ANKS1B: variants seen among roughly 807,000 people sequenced by gnomAD.
The protein encoded by ANKS1B is ankyrin repeat and sterile alpha motif domain containing 1B.
ANKS1B carries 36 observed loss-of-function variants against 148.3 expected under a neutral mutation model. The observed-to-expected ratio is 0.24, with a 90% CI of 0.19 to 0.32. The LOEUF is 0.32. ANKS1B is among the 10% of genes least tolerant of loss of function. The pLI is 1.00. For synonymous variants in ANKS1B, 542 were observed against 560.8 expected, an observed-to-expected ratio of 0.97 and a Z score of 0.47; for missense variants, 1,157 against 1,542.6, an observed-to-expected ratio of 0.75 and a Z score of 4.19.
chr12:99,655,429 T>C (rs2098445453), intron 8 of ANKS1B, among the ~76,000 whole-genome samples: 1 of 152,116 alleles, frequency 6.6e-6, no homozygotes, highest in Non-Finnish European at 1.5e-5. Context: ...ACTTATAAAA[T>C]AATATATGAA....
At chr12:99,131,920 G>A (rs753628545) in intron 15 of ANKS1B, among the ~76,000 whole-genome samples, 9 of 152,060 alleles carry the variant, frequency 5.9e-5, no homozygotes, top group South Asian at 2.1e-4. Flanking sequence ...CTGATCCCTC[G>A]GAGGGAGTTG....
At chr12:99,566,615 G>T (rs948548130) in intron 9 of ANKS1B, among the ~76,000 whole-genome samples, 11 of 152,020 alleles carry the variant, frequency 7.2e-5, no homozygotes, top group African/African-American at 2.7e-4. Flanking sequence ...ATGTCATCAG[G>T]GTACAGTCCC....
intron 9 of ANKS1B, among the ~76,000 whole-genome samples, chr12:99,630,278 T>C (rs2098144468): frequency 6.6e-6 from 1 of 152,188 alleles, no homozygotes; most frequent in Non-Finnish European, 1.5e-5. Context: ...CATTAATTCA[T>C]TCTCTAATAA....
chr12:98,861,818 G>C (rs1320822306), intron 17 of ANKS1B, among the ~76,000 whole-genome samples: 1 of 152,106 alleles, frequency 6.6e-6, no homozygotes, highest in Admixed American at 6.5e-5. Context: ...AGAAAAACTG[G>C]GGCTGAATCC....
chr12:99,762,422 AAAC>A (rs2062223693), intron 8 of ANKS1B, among the ~76,000 whole-genome samples: 1 of 151,974 alleles, frequency 6.6e-6, no homozygotes, highest in South Asian at 2.1e-4. Context: ...CCACAAAAAT[AAAC>A]AATGGGGAAA....
intron 15 of ANKS1B, among the ~76,000 whole-genome samples, chr12:99,109,620 T>C (rs2059895423): frequency 1.3e-5 from 2 of 152,178 alleles, no homozygotes; most frequent in Admixed American, 6.5e-5. Flanking sequence ...TAAGTGATAA[T>C]AATGTTATTT....
At chr12:98,789,902 T>C (rs901805272) in intron 22 of ANKS1B, among the ~76,000 whole-genome samples, 3 of 152,186 alleles carry the variant, frequency 2.0e-5, no homozygotes, top group African/African-American at 2.4e-5. Context: ...TTTCCACTTC[T>C]TACTAGAAAA....
rs750539400 is a variant in ANKS1B at position 99,859,261 on chromosome 12, T to C, written c.135-33872A>G. Among the ~76,000 whole-genome samples the C allele has an allele frequency of 9.2e-5, 14 of 152,372 alleles. 1 individual carries two copies. In the Middle Eastern group the frequency reaches 0.01, roughly 111 times the overall value. ...TTGCAGAGTTATATGTGAGTATTCA[T>C]GGCATTGCATGCTGCTAACAGTGAA... On this transcript the variant is annotated intron_variant, in intron 1 of 26. Transcript: ENST00000683438.
At chr12:99,880,118 C>A (rs1044012560) in intron 1 of ANKS1B, among the ~76,000 whole-genome samples, 3 of 152,120 alleles carry the variant, frequency 2.0e-5, no homozygotes, top group African/African-American at 7.2e-5. Flanking sequence ...ATTAAGTGAA[C>A]AAAATGCCTG....
At chr12:99,738,937 T>C (rs998480164) in intron 8 of ANKS1B, among the ~76,000 whole-genome samples, 3 of 152,232 alleles carry the variant, frequency 2.0e-5, no homozygotes, top group Admixed American at 6.5e-5. Context: ...CAACTCACTG[T>C]GTCCTTTAAG....
chr12:99,925,524 G>T (rs1034229961), intron 1 of ANKS1B, among the ~76,000 whole-genome samples: 3 of 152,158 alleles, frequency 2.0e-5, no homozygotes, highest in African/African-American at 7.2e-5. Flanking sequence ...CCCAAGCCAA[G>T]AAAGTATATA....
At chr12:99,982,251 T>C (rs1184088538) in intron 1 of ANKS1B, among the ~76,000 whole-genome samples, 1 of 151,942 alleles carries the variant, frequency 6.6e-6, no homozygotes, top group Non-Finnish European at 1.5e-5. Context: ...AGATATACAC[T>C]GTGGGTCACT....
intron 11 of ANKS1B, among the ~76,000 whole-genome samples, chr12:99,431,820 C>T (rs991478123): frequency 6.6e-6 from 1 of 152,158 alleles, no homozygotes; most frequent in Non-Finnish European, 1.5e-5. Flanking sequence ...CTGCCTGCTA[C>T]GATATGGATA....
At chr12:99,562,382 C>T (rs937910494) in intron 9 of ANKS1B, among the ~76,000 whole-genome samples, 5 of 152,200 alleles carry the variant, frequency 3.3e-5, no homozygotes, top group African/African-American at 1.2e-4. Flanking sequence ...GATTTGAAGC[C>T]AGGCATTAAC....
At chr12:99,441,515 G>A (rs1357715003) in intron 11 of ANKS1B, among the ~76,000 whole-genome samples, 5 of 151,924 alleles carry the variant, frequency 3.3e-5, no homozygotes, top group Non-Finnish European at 5.9e-5. Flanking sequence ...TGTCTCCAGG[G>A]TGGAAGAAAG....
At position 99,805,263 on chromosome 12, in the gene ANKS1B, CAAAAAAAAAAA is replaced by C. The variant is rs58248573; in HGVS notation, c.669+1130_669+1140del. Among the ~76,000 whole-genome samples the C allele has an allele frequency of 3.8e-4, 11 of 28,918 alleles. No individual in the cohort carries two copies. In the East Asian group the frequency reaches 0.014, roughly 36 times the overall value. The allele number at this position is 28,918 out of a possible 152,430, so 19.0% of individuals were successfully genotyped here. On this transcript the variant is annotated intron_variant, in intron 4 of 26. Coordinates refer to ENST00000683438, the MANE Select transcript of ANKS1B (RefSeq NM_001352186.2). ...AAATAACCATGAAAGGAGGAAAAGG[CAAAAAAAAAAA>C]AAAAAAAAAAAAAAGACTAACCCTG...
chr12:99,197,111 G>T (rs1265876162), intron 14 of ANKS1B, among the ~76,000 whole-genome samples: 1 of 152,082 alleles, frequency 6.6e-6, no homozygotes, highest in Non-Finnish European at 1.5e-5. Flanking sequence ...TGGGTCATAG[G>T]TCCAATCTGA....
chr12:99,648,739 G>A (rs751524661), intron 9 of ANKS1B: 2 of 1,613,854 alleles, frequency 1.2e-6, no homozygotes, highest in Non-Finnish European at 1.7e-6. Context: ...TATCCTAGCT[G>A]GGAACACATT....
At chr12:98,834,796 C>T (rs1229466956) in intron 17 of ANKS1B, among the ~76,000 whole-genome samples, 1 of 152,116 alleles carries the variant, frequency 6.6e-6, no homozygotes, top group Non-Finnish European at 1.5e-5. Flanking sequence ...CATAGAAATG[C>T]CCTTATATTC....
Sources: allele counts gnomAD v4.1 joint callset (sites outside exome capture counted in the v4.1 genomes callset), GRCh38; gene constraint gnomAD v4.1.1; transcripts MANE v1.5; gene names NCBI Gene and HGNC (gene_info 2026-07-23, HGNC 2026-07-21).